The following ELAPOR2 variants were observed in gnomAD, a reference collection of about 807,000 sequenced individuals.
ELAPOR2 encodes the protein endosome/lysosome-associated apoptosis and autophagy regulator family member 2.
ELAPOR2 carries 89 observed loss-of-function variants against 120.7 expected under a neutral mutation model. The observed-to-expected ratio is 0.74, with a 90% CI of 0.62 to 0.88. The LOEUF (loss-of-function observed/expected upper bound fraction) is 0.88. Among genes scored for constraint, ELAPOR2 ranks in the 40% least tolerant of loss-of-function variants. The pLI, the probability that ELAPOR2 is intolerant of heterozygous loss-of-function variation, is 0.00. For missense variants in ELAPOR2, 1,134 were observed against 1,251.6 expected (o/e 0.91, Z 1.42); for synonymous variants, 444 against 444.9 (o/e 1.00, Z 0.03).
chr7:86,980,011 G>C (rs937926687), intron 1 of ELAPOR2, among the ~76,000 whole-genome samples: 26 of 152,130 alleles, frequency 1.7e-4, no homozygotes, highest in Non-Finnish European at 4.4e-5. Context: ...AATGTGGGCT[G>C]GACAAGCTTG....
Position 86,877,915 on chromosome 7 carries a change from AC to A in ELAPOR2, c.*2555del, listed in dbSNP as rs1230720922. On this transcript the variant is annotated 3_prime_UTR_variant, in exon 22 of 22. Transcript: ENST00000450689. Reference sequence around the variant, plus strand: ...AAATTCAGGTTTTTTAATTCAGTGAACACATATCAAAATGCTCAATGTTGTT... The same window carrying A: ...AAATTCAGGTTTTTTAATTCAGTGAAACATATCAAAATGCTCAATGTTGTT... The A allele has an allele frequency of 6.6e-6, 1 of 152,224 alleles. No individual in the cohort carries two copies. The highest frequency in any genetic ancestry group is 1.5e-5 in the Non-Finnish European group (1 of 68,022). 9.4% of individuals were successfully genotyped at this position (152,224 alleles called of 1,614,324 possible). A position where few individuals can be genotyped will look rare whatever the true frequency, so the allele number is the denominator to read the frequency against.
At chr7:87,015,012 G>A (rs965760218) in intron 1 of ELAPOR2, among the ~76,000 whole-genome samples, 7 of 151,588 alleles carry the variant, frequency 4.6e-5, no homozygotes, top group African/African-American at 1.7e-4. Flanking sequence ...GAAAAAAAAA[G>A]AAGTGGTGCG....
intron 8 of ELAPOR2, among the ~76,000 whole-genome samples, chr7:86,935,641 T>C (rs540987075): frequency 6.6e-6 from 1 of 152,086 alleles, no homozygotes; most frequent in South Asian, 2.1e-4. Flanking sequence ...CCAGACCTAC[T>C]AGATTAGAAA....
chr7:86,951,164 C>T (rs1562939993), intron 2 of ELAPOR2, among the ~76,000 whole-genome samples: 1 of 152,086 alleles, frequency 6.6e-6, no homozygotes, highest in Non-Finnish European at 1.5e-5. Context: ...TTATTGAAAC[C>T]CAATCCCGAT....
intron 1 of ELAPOR2, among the ~76,000 whole-genome samples, chr7:87,026,918 A>G (rs1313796967): frequency 1.3e-5 from 2 of 152,144 alleles, no homozygotes; most frequent in Non-Finnish European, 2.9e-5. Context: ...CGGGATACCC[A>G]GAAATTAGCT....
intron 1 of ELAPOR2, among the ~76,000 whole-genome samples, chr7:86,973,734 C>T (rs1239092801): frequency 6.6e-6 from 1 of 152,060 alleles, no homozygotes; most frequent in African/African-American, 2.4e-5. Context: ...GTCATGTTAG[C>T]AGAGTATGAT....
chr7:86,953,429 T>C (rs1002432664), intron 2 of ELAPOR2, among the ~76,000 whole-genome samples: 3 of 152,222 alleles, frequency 2.0e-5, no homozygotes, highest in Non-Finnish European at 2.9e-5. Flanking sequence ...CTTCCTTTGA[T>C]GGCCACCAAA....
At chr7:86,954,144 C>T (rs1346064341) in intron 2 of ELAPOR2, among the ~76,000 whole-genome samples, 1 of 152,164 alleles carries the variant, frequency 6.6e-6, no homozygotes, top group Admixed American at 6.5e-5. Flanking sequence ...CCCCTTCTCC[C>T]TCCTAGGACT....
In ELAPOR2 at chr7:87,052,076, T is replaced by C. The variant is rs1562987762; in HGVS notation, c.189+7249A>G. On this transcript the variant is annotated intron_variant, in intron 1 of 21. Transcript: ENST00000450689. ...TAAGACACCCTGCAGAAGCAGGAAGTAAGCTAGGGTGACAGTTTAGGGAAT... is the reference window on the plus strand; with the variant it reads ...TAAGACACCCTGCAGAAGCAGGAAGCAAGCTAGGGTGACAGTTTAGGGAAT... Among the ~76,000 whole-genome samples the C allele has an allele frequency of 2.0e-5, 3 of 152,208 alleles. No individual in the cohort carries two copies. The South Asian group carries it at 6.2e-4, about 31-fold the overall frequency.
intron 1 of ELAPOR2, among the ~76,000 whole-genome samples, chr7:87,004,447 C>T (rs1419059836): frequency 2.0e-5 from 3 of 152,200 alleles, no homozygotes; most frequent in African/African-American, 7.2e-5. Context: ...CAATACATGT[C>T]CACACACCAA....
chr7:87,012,552 T>C (rs1232516656), intron 1 of ELAPOR2, among the ~76,000 whole-genome samples: 1 of 152,212 alleles, frequency 6.6e-6, no homozygotes, highest in African/African-American at 2.4e-5. Flanking sequence ...CATTTTTGCA[T>C]TTAGGACAGG....
rs60540381 is a variant in ELAPOR2 at position 86,878,025 on chromosome 7, G to C, written c.*2446C>G. 1 of 152,194 alleles carries C rather than the reference G, an allele frequency of 6.6e-6. No homozygotes were observed. The highest frequency in any genetic ancestry group is 1.5e-5 in the Non-Finnish European group (1 of 68,040). 9.4% of individuals were successfully genotyped at this position (152,194 alleles called of 1,614,324 possible). On this transcript the variant is annotated 3_prime_UTR_variant, in exon 22 of 22. Coordinates refer to ENST00000450689, the MANE Select transcript of ELAPOR2 (RefSeq NM_001142749.3). The stretch of plus-strand genomic sequence containing the variant: ...TTAAATACGTTTTGACGAGTGCTAA[G>C]AGATGTTATAGGCAACAGTTGACTT...
At chr7:86,912,376 T>C in intron 14 of ELAPOR2, 131 bp from the exon 15 acceptor site, 1 of 483,234 alleles carries the variant, frequency 2.1e-6, no homozygotes, top group Non-Finnish European at 3.6e-6. Flanking sequence ...TACTTTACCA[T>C]ACTAATATAA....
chr7:86,940,174 A>G, intron 5 of ELAPOR2, 59 bp from the exon 6 acceptor site: 4 of 994,136 alleles, frequency 4.0e-6, no homozygotes, highest in Non-Finnish European at 6.3e-6. Context: ...TCCAAAAGCT[A>G]CTCCCTTACA....
At chr7:86,896,998 ATATC>A (rs1788466962) in intron 19 of ELAPOR2, among the ~76,000 whole-genome samples, 1 of 152,202 alleles carries the variant, frequency 6.6e-6, no homozygotes, top group Admixed American at 6.5e-5. Flanking sequence ...AAAAAATAAA[ATATC>A]TATCAATAAA....
intron 21 of ELAPOR2, among the ~76,000 whole-genome samples, chr7:86,889,390 G>A (rs1799846692): frequency 6.6e-6 from 1 of 150,876 alleles, no homozygotes; most frequent in Non-Finnish European, 1.5e-5. Flanking sequence ...CCTATTCCCA[G>A]GGGATACATT....
At chr7:86,939,883 A>G (rs1790729402) in intron 6 of ELAPOR2, 127 bp downstream of exon 6, 1 of 497,030 alleles carries the variant, frequency 2.0e-6, no homozygotes, top group Non-Finnish European at 3.5e-6. Flanking sequence ...CCAGACCTAT[A>G]TGATTCCCTA....
intron 1 of ELAPOR2, among the ~76,000 whole-genome samples, chr7:87,041,515 T>G (rs1198277084): frequency 6.6e-6 from 1 of 151,958 alleles, no homozygotes; most frequent in Non-Finnish European, 1.5e-5. Flanking sequence ...GCCAAACTAC[T>G]TCATAAGCGA....
At chr7:86,987,081 A>C (rs1023411199) in intron 1 of ELAPOR2, among the ~76,000 whole-genome samples, 7 of 152,060 alleles carry the variant, frequency 4.6e-5, no homozygotes, top group Non-Finnish European at 1.0e-4. Flanking sequence ...ACCTGACAAA[A>C]ACAAGAAATG....
Sources: gnomAD v4.1 joint callset for allele counts (sites outside exome capture counted in the v4.1 genomes callset) on GRCh38, gnomAD v4.1.1 for gene constraint, MANE v1.5 for transcripts, NCBI Gene and HGNC (gene_info 2026-07-23, HGNC 2026-07-21) for gene names.